Variants in GNG4 observed in about 807,000 individuals in gnomAD.
The protein encoded by GNG4 is G protein subunit gamma 4, also known as guanine nucleotide-binding protein G(I)/G(S)/G(O) subunit gamma-4.
Under a neutral mutation model 5.8 loss-of-function variants are expected in GNG4, and 4 were observed. That is an observed-to-expected ratio of 0.69 (90% CI 0.34 to 1.57). GNG4 has a LOEUF of 1.57. Ranked by LOEUF, GNG4 falls within the 40% of genes most tolerant of loss-of-function variation. The pLI is 0.06. For synonymous variants in GNG4, 29 were observed against 32.9 expected, an observed-to-expected ratio of 0.88 and a Z score of 0.41; for missense variants, 96 against 95.1, an observed-to-expected ratio of 1.01 and a Z score of -0.04.
chr1:235,647,565 G>A lies in GNG4; in HGVS notation c.-123+2097C>T, dbSNP rs1052207986. ...GGGTTTGGGCGTGTAGGTCTTGGGG[G>A]AAGGAGCATTGTACACATTTTACAG... On this transcript the variant is annotated intron_variant, in intron 1 of 3. Coordinates refer to ENST00000391854, the MANE Select transcript of GNG4 (RefSeq NM_001098722.2). Among the ~76,000 whole-genome samples, 3 of 151,812 alleles carry A rather than the reference G, an allele frequency of 2.0e-5. No homozygotes were observed. In the South Asian group the frequency reaches 6.2e-4, roughly 32 times the overall value.
At chr1:235,552,355 G>A (rs1040515100) in intron 3 of GNG4, 118 bp from the exon 4 acceptor site, 5 of 900,350 alleles carry the variant, frequency 5.6e-6, no homozygotes, top group Non-Finnish European at 6.9e-6. Flanking sequence ...TGTGTGCACG[G>A]CCTACAACAT....
intron 3 of GNG4, among the ~76,000 whole-genome samples, chr1:235,553,446 A>T (rs997791210): frequency 3.3e-5 from 5 of 152,204 alleles, no homozygotes. Flanking sequence ...TCAATGTCTA[A>T]ATCTTCCCCA....
chr1:235,647,460 G>A (rs1309310043), intron 1 of GNG4, among the ~76,000 whole-genome samples: 8 of 152,104 alleles, frequency 5.3e-5, no homozygotes, highest in Admixed American at 4.6e-4. Context: ...GTGAGATGCA[G>A]CTATAAATAA....
At chr1:235,633,072 T>C (rs541822571) in intron 1 of GNG4, among the ~76,000 whole-genome samples, 1 of 152,026 alleles carries the variant, frequency 6.6e-6, no homozygotes, top group Non-Finnish European at 1.5e-5. Flanking sequence ...GAAGAGAGTA[T>C]ATTGGCAGCA....
intron 3 of GNG4, among the ~76,000 whole-genome samples, chr1:235,583,489 A>G (rs868053376): frequency 1.6e-4 from 24 of 152,252 alleles, no homozygotes; most frequent in Non-Finnish European, 2.1e-4. Context: ...AATAGAGCCG[A>G]GATGAATTAT....
At chr1:235,607,659 G>T (rs74148724) in intron 1 of GNG4, among the ~76,000 whole-genome samples, 8,198 of 152,260 alleles carry the variant, frequency 0.054, 737 homozygotes, top group African/African-American at 0.18. Context: ...ATCCATCCAC[G>T]CCGCCCAGCC....
intron 1 of GNG4, among the ~76,000 whole-genome samples, chr1:235,636,288 T>A (rs140256705): frequency 2.0e-5 from 3 of 152,348 alleles, no homozygotes; most frequent in African/African-American, 7.2e-5. Flanking sequence ...CAAAGCGGGT[T>A]CAGAAAGCCT....
intron 1 of GNG4, among the ~76,000 whole-genome samples, chr1:235,640,146 C>A (rs920595722): frequency 6.6e-6 from 1 of 152,082 alleles, no homozygotes; most frequent in Non-Finnish European, 1.5e-5. Context: ...ATGCATTCAG[C>A]CTGGGGAGGA....
At chr1:235,595,025 C>T (rs1170007860) in intron 2 of GNG4, among the ~76,000 whole-genome samples, 1 of 152,204 alleles carries the variant, frequency 6.6e-6, no homozygotes, top group African/African-American at 2.4e-5. Flanking sequence ...CTCCTTTCAT[C>T]CTTGCTGAAC....
chr1:235,592,134 C>A (rs1455359114), intron 2 of GNG4, among the ~76,000 whole-genome samples: 1 of 152,178 alleles, frequency 6.6e-6, no homozygotes, highest in Admixed American at 6.5e-5. Flanking sequence ...CGGCCCCCTA[C>A]GGAATGAATC....
intron 3 of GNG4, among the ~76,000 whole-genome samples, chr1:235,582,340 C>T (rs1687658241): frequency 6.6e-6 from 1 of 152,246 alleles, no homozygotes; most frequent in Non-Finnish European, 1.5e-5. Flanking sequence ...TGCAGCTCCT[C>T]CCGCTGCCCA....
chr1:235,565,083 C>T lies in GNG4; in HGVS notation c.100-12846G>A, dbSNP rs149072227. Among the ~76,000 whole-genome samples, 103 of 152,340 alleles carry T rather than the reference C, an allele frequency of 6.8e-4. No individual in the cohort carries two copies. In the South Asian group the frequency reaches 9.9e-3, roughly 15 times the overall value. ...AAGTTATTTCGATTCAGTCAGCTGGCTGGATCCCATGTTACACACATGTAT... is the reference window on the plus strand; with the variant it reads ...AAGTTATTTCGATTCAGTCAGCTGGTTGGATCCCATGTTACACACATGTAT... On this transcript the variant is annotated intron_variant, in intron 3 of 3. Transcript: ENST00000391854.
At chr1:235,632,757 A>C (rs562858028) in intron 1 of GNG4, among the ~76,000 whole-genome samples, 1 of 152,202 alleles carries the variant, frequency 6.6e-6, no homozygotes, top group Non-Finnish European at 1.5e-5. Flanking sequence ...AGAATATTAG[A>C]CATTGTCATC....
chr1:235,552,272 G>C (rs1362005193), intron 3 of GNG4, 35 bp from the exon 4 acceptor site: 1 of 1,608,408 alleles, frequency 6.2e-7, no homozygotes, highest in Non-Finnish European at 8.5e-7. Flanking sequence ...CTCAGTTAAA[G>C]GCCCCTTTGC....
At chr1:235,626,687 G>A (rs913665235) in intron 1 of GNG4, among the ~76,000 whole-genome samples, 2 of 152,130 alleles carry the variant, frequency 1.3e-5, no homozygotes, top group Non-Finnish European at 2.9e-5. Context: ...GGCCGGGCAC[G>A]GTGGCTGATG....
At chr1:235,564,968 C>T (rs1572615977) in intron 3 of GNG4, among the ~76,000 whole-genome samples, 1 of 152,208 alleles carries the variant, frequency 6.6e-6, no homozygotes, top group East Asian at 1.9e-4. Flanking sequence ...CAGGCGTGAG[C>T]CACAGCGCCC....
At chr1:235,583,881 G>A in intron 2 of GNG4, 33 bp from the exon 3 acceptor site, 1 of 1,393,364 alleles carries the variant, frequency 7.2e-7, no homozygotes, top group Non-Finnish European at 1.0e-6. Flanking sequence ...GGTTAGAAGA[G>A]CTGCTCTTCC....
intron 3 of GNG4, among the ~76,000 whole-genome samples, chr1:235,574,354 G>C (rs1370437291): frequency 1.3e-5 from 2 of 152,192 alleles, no homozygotes; most frequent in Admixed American, 6.5e-5. Flanking sequence ...CTGGGCAACA[G>C]AGAGAGACTC....
intron 1 of GNG4, among the ~76,000 whole-genome samples, chr1:235,637,171 C>G (rs796676707): frequency 3.3e-5 from 5 of 152,152 alleles, no homozygotes; most frequent in African/African-American, 1.2e-4. Flanking sequence ...AGTGATTGCT[C>G]CTTTGAAAAT....
Sources: gnomAD v4.1 joint callset for allele counts (sites outside exome capture counted in the v4.1 genomes callset) on GRCh38, gnomAD v4.1.1 for gene constraint, MANE v1.5 for transcripts, NCBI Gene and HGNC (gene_info 2026-07-23, HGNC 2026-07-21) for gene names.